Variants in TRIM2 observed in about 807,000 individuals in gnomAD.
TRIM2 encodes tripartite motif containing 2, also known as tripartite motif-containing protein 2.
Under a neutral mutation model 75.2 loss-of-function variants are expected in TRIM2, and 20 were observed. That is an observed-to-expected ratio of 0.27 (90% confidence interval 0.19 to 0.39). The LOEUF (loss-of-function observed/expected upper bound fraction) is 0.39, where lower values mean the gene tolerates loss of function less well. Ranked by LOEUF, TRIM2 falls within the 10% of genes least tolerant of loss-of-function variation. The probability of loss-of-function intolerance (pLI) is 1.00; values close to 1 mark genes in which losing one functional copy is unlikely to be tolerated. For missense variants in TRIM2, 660 were observed against 990.8 expected (o/e 0.67, Z 4.48); for synonymous variants, 373 against 388.3 (o/e 0.96, Z 0.46).
upstream of TRIM2, chr4:153,152,479 C>CT (rs2149579067): frequency 6.6e-6 from 1 of 150,848 alleles, no homozygotes; most frequent in Admixed American, 6.6e-5. Flanking sequence ...GAGTACTTTA[C>CT]TTTGATATTC....
chr4:153,321,450 C>T (rs999805563), intron 8 of TRIM2, among the ~76,000 whole-genome samples: 2 of 152,328 alleles, frequency 1.3e-5, no homozygotes, highest in Non-Finnish European at 2.9e-5. Context: ...TTTAAATACA[C>T]ACCACAGTCT....
At chr4:153,229,357 G>A (rs545354032) in intron 1 of TRIM2, among the ~76,000 whole-genome samples, 38 of 152,214 alleles carry the variant, frequency 2.5e-4, no homozygotes, top group African/African-American at 8.2e-4. Context: ...TCCGCCTCCC[G>A]GGTTTAAACA....
intron 1 of TRIM2, among the ~76,000 whole-genome samples, chr4:153,221,578 C>T (rs1740007078): frequency 6.6e-6 from 1 of 152,144 alleles, no homozygotes; most frequent in South Asian, 2.1e-4. Flanking sequence ...CCCACCTTCC[C>T]CTCTGCCCCC....
At chr4:153,190,044 A>C (rs1733020650) in intron 1 of TRIM2, among the ~76,000 whole-genome samples, 2 of 152,252 alleles carry the variant, frequency 1.3e-5, no homozygotes, top group Admixed American at 1.3e-4. Context: ...ATGGGCATAT[A>C]ATAGAACCCT....
chr4:153,319,857 G>A (rs1160730791), intron 8 of TRIM2, among the ~76,000 whole-genome samples: 1 of 152,144 alleles, frequency 6.6e-6, no homozygotes, highest in Non-Finnish European at 1.5e-5. Context: ...TAAACTAGGA[G>A]TGATGAAGGG....
chr4:153,285,863 T>A (rs1449487891), intron 3 of TRIM2, among the ~76,000 whole-genome samples: 4 of 152,146 alleles, frequency 2.6e-5, no homozygotes, highest in African/African-American at 9.7e-5. Flanking sequence ...TTTGGATGCA[T>A]TTTATTTCTT....
At chr4:153,240,586 T>C (rs1560865749) in intron 1 of TRIM2, among the ~76,000 whole-genome samples, 1 of 152,336 alleles carries the variant, frequency 6.6e-6, no homozygotes, top group East Asian at 1.9e-4. Flanking sequence ...TACCTACGCT[T>C]CTAGGGCTCT....
At chr4:153,257,702 A>G in intron 1 of TRIM2, 1 of 824,192 alleles carries the variant, frequency 1.2e-6, no homozygotes, top group Non-Finnish European at 1.8e-6. Context: ...GCGTAGCTGC[A>G]GCGACAGACT....
chr4:153,210,169 A>T (rs1011929787), intron 1 of TRIM2, among the ~76,000 whole-genome samples: 2 of 147,668 alleles, frequency 1.4e-5, no homozygotes, highest in Non-Finnish European at 3.0e-5. Context: ...GGTTCAAGCG[A>T]TTCTTCTGCC....
chr4:153,153,553 AC>A (rs1728930906), intron 1 of TRIM2, among the ~76,000 whole-genome samples: 1 of 152,178 alleles, frequency 6.6e-6, no homozygotes, highest in Non-Finnish European at 1.5e-5. Flanking sequence ...AAAGGAAATA[AC>A]CTTGGCCTAG....
At chr4:153,188,659 T>C (rs1301583227) in intron 1 of TRIM2, among the ~76,000 whole-genome samples, 1 of 151,576 alleles carries the variant, frequency 6.6e-6, no homozygotes, top group Non-Finnish European at 1.5e-5. Flanking sequence ...GCTGGCACAG[T>C]GGCTCATGCC....
At chr4:153,325,096 T>C (rs1417100068) in intron 10 of TRIM2, among the ~76,000 whole-genome samples, 1 of 152,212 alleles carries the variant, frequency 6.6e-6, no homozygotes, top group African/African-American at 2.4e-5. Flanking sequence ...TAATGACTTA[T>C]CAGTGCTAAT....
chr4:153,184,698 C>T (rs1422364825), intron 1 of TRIM2, among the ~76,000 whole-genome samples: 1 of 152,212 alleles, frequency 6.6e-6, no homozygotes, highest in Non-Finnish European at 1.5e-5. Flanking sequence ...TGATATTCCA[C>T]TGTGCATATT....
chr4:153,185,293 C>A (rs1462560492), intron 1 of TRIM2, among the ~76,000 whole-genome samples: 1 of 152,196 alleles, frequency 6.6e-6, no homozygotes, highest in East Asian at 1.9e-4. Context: ...TAAGTGTTAG[C>A]TTCTTACATG....
At position 153,227,198 on chromosome 4, in the gene TRIM2, G is replaced by T. The variant is rs376381336; in HGVS notation, c.30+22638G>T. ...AATTTGTTTCCTTTGGCAGTGAAAG[G>T]TGTGTTGGTAAAAGGCTCTTTCAGC... On this transcript the variant is annotated intron_variant, in intron 1 of 11. Coordinates refer to ENST00000338700, the MANE Select transcript of TRIM2 (RefSeq NM_015271.5). 1.3e-4 allele frequency among the ~76,000 whole-genome samples: 20 copies of T among 152,316 alleles called. 1 individual carries two copies. In the South Asian group the frequency reaches 3.9e-3, roughly 30 times the overall value.
chr4:153,175,992 C>T (rs1424184215), intron 1 of TRIM2, among the ~76,000 whole-genome samples: 1 of 151,144 alleles, frequency 6.6e-6, no homozygotes, highest in Non-Finnish European at 1.5e-5. Context: ...TATAGTGCAC[C>T]CTGATCGTGC....
At position 153,337,891 on chromosome 4, in the gene TRIM2, A is replaced by G. The variant is rs567582725; in HGVS notation, c.*2925A>G. ...GGTCAGTGACGACGCATTTCCTCCC[A>G]GTACAGACCCCCCAGCCCCCCTTGC... On this transcript the variant is annotated 3_prime_UTR_variant, in exon 12 of 12. Coordinates refer to ENST00000338700, the MANE Select transcript of TRIM2 (RefSeq NM_015271.5). 163 of 985,814 alleles carry G rather than the reference A, an allele frequency of 1.7e-4. No homozygotes were observed. In the African/African-American group the frequency reaches 2.1e-3, roughly 13 times the overall value. 61.1% of individuals were successfully genotyped at this position (985,814 alleles called of 1,614,324 possible). A position where few individuals can be genotyped will look rare whatever the true frequency, so the allele number is the denominator to read the frequency against.
At chr4:153,269,901 T>C (rs1256827030) in intron 1 of TRIM2, among the ~76,000 whole-genome samples, 1 of 152,156 alleles carries the variant, frequency 6.6e-6, no homozygotes, top group East Asian at 1.9e-4. Flanking sequence ...TGGCATTGAC[T>C]TCTACCTTTA....
chr4:153,179,531 C>T (rs550086354), intron 1 of TRIM2, among the ~76,000 whole-genome samples: 3 of 152,218 alleles, frequency 2.0e-5, no homozygotes, highest in African/African-American at 2.4e-5. Context: ...TGGAAAATGC[C>T]GTACCAAGAC....
Sources: gnomAD v4.1 joint callset for allele counts (sites outside exome capture counted in the v4.1 genomes callset) on GRCh38, gnomAD v4.1.1 for gene constraint, MANE v1.5 for transcripts, NCBI Gene and HGNC (gene_info 2026-07-23, HGNC 2026-07-21) for gene names.